Variants in BUB1 observed in about 807,000 individuals in gnomAD.
BUB1 encodes the protein mitotic checkpoint serine/threonine-protein kinase BUB1.
In BUB1, 84 loss-of-function variants were observed where a neutral mutation model predicts 135.2. That is an observed-to-expected ratio of 0.62 (90% CI 0.52 to 0.74). The LOEUF (loss-of-function observed/expected upper bound fraction) is 0.74. BUB1 is among the 30% of genes least tolerant of loss of function. The probability of loss-of-function intolerance (pLI) is 0.00; values close to 1 mark genes in which losing one functional copy is unlikely to be tolerated. For synonymous variants in BUB1, 403 were observed against 434.4 expected (o/e 0.93, Z 0.90); for missense variants, 1,162 against 1,288.3 (o/e 0.90, Z 1.50).
chr2:110,641,052 G>A lies in BUB1; in HGVS notation c.2937C>T (p.Asn979=), dbSNP rs751720093. The A allele has an allele frequency of 6.3e-7, 1 of 1,590,582 alleles. No individual in the cohort carries two copies. Among genetic ancestry groups the A allele is most frequent in the Non-Finnish European group, 8.5e-7 (1 of 1,170,774 alleles). The change falls in exon 23 of 25, where the codon AAC becomes AAT. Residue 979 remains asparagine, a synonymous_variant. Coordinates refer to ENST00000302759, the MANE Select transcript of BUB1 (RefSeq NM_004336.5). ...SGFQCVEMLS[N]KPWNYQIDYF... ...TTTATACCTGGTAGTTCCATGGTTTGTTGCTGAGCATCTCAACACACTGAA... is the reference window on the plus strand; with the variant it reads ...TTTATACCTGGTAGTTCCATGGTTTATTGCTGAGCATCTCAACACACTGAA...
At chr2:110,653,332 A>T in intron 17 of BUB1, 104 bp downstream of exon 17, 1 of 1,132,558 alleles carries the variant, frequency 8.8e-7, no homozygotes, top group Non-Finnish European at 1.3e-6. Flanking sequence ...GGCTAAAATT[A>T]GGTATTCTAT....
chr2:110,658,383 A>G (rs2104537917), intron 13 of BUB1, 27 bp downstream of exon 13: 3 of 1,558,986 alleles, frequency 1.9e-6, no homozygotes, highest in Non-Finnish European at 1.8e-6. Flanking sequence ...AATGCTATGC[A>G]CTTAGTAGCT....
At position 110,637,830 on chromosome 2, in the gene BUB1, A is replaced by C. The variant is rs1007597594; in HGVS notation, c.*134T>G. 1.5e-6 allele frequency: 1 copy of C among 684,332 alleles called. No homozygotes were observed. Among genetic ancestry groups the C allele is most frequent in the East Asian group, 3.3e-5 (1 of 30,466 alleles). The allele number at this position is 684,332 out of a possible 1,614,324, so 42.4% of individuals were successfully genotyped here. On this transcript the variant is annotated 3_prime_UTR_variant, in exon 25 of 25. Coordinates refer to ENST00000302759, the MANE Select transcript of BUB1 (RefSeq NM_004336.5). The stretch of plus-strand genomic sequence containing the variant: ...TTTGTTGAAATATTTATAACAACTA[A>C]GTTACATGGAAATATTCCATGGGAT...
chr2:110,637,882 C>T lies in BUB1; in HGVS notation c.*82G>A. ...TATTTTTAACAAACATTTACATAAA[C>T]AATAAATGAAAAAAAAACAGGTTTA... On this transcript the variant is annotated 3_prime_UTR_variant, in exon 25 of 25. Coordinates refer to ENST00000302759, the MANE Select transcript of BUB1 (RefSeq NM_004336.5). 2 of 972,090 alleles carry T rather than the reference C, an allele frequency of 2.1e-6. No homozygotes were observed. The highest frequency in any genetic ancestry group is 2.8e-6 in the Non-Finnish European group (2 of 704,530). The allele number at this position is 972,090 out of a possible 1,614,324, so 60.2% of individuals were successfully genotyped here. A position where few individuals can be genotyped will look rare whatever the true frequency, so the allele number is the denominator to read the frequency against.
Position 110,653,365 on chromosome 2 carries a change from G to C in BUB1, c.1964+71C>G, listed in dbSNP as rs79904991. On this transcript the variant is annotated intron_variant, in intron 17 of 24. Transcript: ENST00000302759. ...TATTACAGCCTAAAAGGCAAAGCTAGAATGAAAATGGTAAACAATGTTAGA... is the reference window on the plus strand; with the variant it reads ...TATTACAGCCTAAAAGGCAAAGCTACAATGAAAATGGTAAACAATGTTAGA... 8.4e-4 allele frequency: 1,253 copies of C among 1,499,626 alleles called. 15 individuals carry two copies. The African/African-American group carries it at 0.016, about 19-fold the overall frequency. 92.9% of individuals were successfully genotyped at this position (1,499,626 alleles called of 1,614,324 possible).
chr2:110,640,463 C>T (rs1181307034), intron 23 of BUB1, among the ~76,000 whole-genome samples: 2 of 152,148 alleles, frequency 1.3e-5, no homozygotes, highest in Non-Finnish European at 2.9e-5. Flanking sequence ...TCCCAATTAG[C>T]ATTCTCCTCC....
intron 4 of BUB1, among the ~76,000 whole-genome samples, chr2:110,670,836 C>T (rs887204069): frequency 6.6e-6 from 1 of 152,172 alleles, no homozygotes; most frequent in South Asian, 2.1e-4. Flanking sequence ...TAAAAATGCA[C>T]CCTCTTCTCC....
intron 9 of BUB1, among the ~76,000 whole-genome samples, chr2:110,662,167 C>T (rs1354203316): frequency 3.9e-5 from 6 of 151,994 alleles, no homozygotes; most frequent in Non-Finnish European, 8.8e-5. Flanking sequence ...GGGAAAAGGT[C>T]GACAAATCAG....
At chr2:110,667,975 T>C (rs1348738498) in intron 6 of BUB1, 126 bp from the exon 7 acceptor site, 8 of 769,166 alleles carry the variant, frequency 1.0e-5, no homozygotes, top group Non-Finnish European at 1.7e-5. Context: ...TAGATTTATG[T>C]AATTTTAAAT....
Position 110,658,766 on chromosome 2 carries a change from T to C in BUB1, c.1277-24A>G, listed in dbSNP as rs753246191. 1.4e-5 allele frequency: 23 copies of C among 1,613,252 alleles called. No individual in the cohort carries two copies. In the South Asian group the frequency reaches 2.5e-4, roughly 18 times the overall value. On this transcript the variant is annotated intron_variant, in intron 11 of 24. Coordinates refer to ENST00000302759, the MANE Select transcript of BUB1 (RefSeq NM_004336.5). The stretch of plus-strand genomic sequence containing the variant: ...CCCTAGCAAAGAAATGGAGACAAAA[T>C]GTGGTATCAGTAGGGAAATCAGAAT...
intron 1 of BUB1, among the ~76,000 whole-genome samples, 185 bp downstream of exon 1, chr2:110,677,785 C>T (rs112704924): frequency 1.3e-5 from 2 of 152,232 alleles, no homozygotes; most frequent in African/African-American, 4.8e-5. Context: ...CGGGCCTCAG[C>T]GGAACCCAAG....
intron 17 of BUB1, among the ~76,000 whole-genome samples, chr2:110,651,350 T>C (rs1324196907): frequency 6.6e-6 from 1 of 152,080 alleles, no homozygotes; most frequent in Non-Finnish European, 1.5e-5. Context: ...CTAATGTGTA[T>C]GTTTGTGTGG....
intron 18 of BUB1, among the ~76,000 whole-genome samples, chr2:110,649,759 A>C (rs1229199147): frequency 6.6e-6 from 1 of 152,152 alleles, no homozygotes; most frequent in Non-Finnish European, 1.5e-5. Context: ...ATATTATTTA[A>C]TTTCTTTTCC....
At chr2:110,653,389 G>A (rs191578833) in intron 17 of BUB1, 47 bp downstream of exon 17, 1 of 1,551,770 alleles carries the variant, frequency 6.4e-7, no homozygotes, top group East Asian at 2.2e-5. Context: ...AACAATGTTA[G>A]AATGAAAATG....
At chr2:110,650,270 G>C (rs375655113) in intron 18 of BUB1, among the ~76,000 whole-genome samples, 1 of 151,906 alleles carries the variant, frequency 6.6e-6, no homozygotes, top group Non-Finnish European at 1.5e-5. Context: ...AAATATAATA[G>C]TATTAGATTA....
At position 110,661,593 on chromosome 2, in the gene BUB1, G is replaced by GC; in HGVS notation, c.1205dup (p.Ser402ArgfsTer9). 6.2e-7 allele frequency: 1 copy of GC among 1,614,022 alleles called. No individual in the cohort carries two copies. The highest frequency in any genetic ancestry group is 1.3e-5 in the African/African-American group (1 of 75,046). On this transcript the variant is annotated frameshift_variant, in exon 10 of 25. Coordinates refer to ENST00000302759, the MANE Select transcript of BUB1 (RefSeq NM_004336.5). LOFTEE classifies it high-confidence loss of function. ...TACCTTCAGCTTACCCAGCATCTTTGCTGGCCACTGCAAACATGGAGTCTG... is the reference window on the plus strand; with the variant it reads ...TACCTTCAGCTTACCCAGCATCTTTGCCTGGCCACTGCAAACATGGAGTCTG...
intron 15 of BUB1, among the ~76,000 whole-genome samples, chr2:110,656,733 A>C (rs1202298419): frequency 1.3e-5 from 2 of 152,172 alleles, no homozygotes; most frequent in African/African-American, 4.8e-5. Flanking sequence ...ATCTAGCCAC[A>C]CTCAAAAGGA....
chr2:110,657,425 G>T, intron 14 of BUB1, 121 bp downstream of exon 14: 2 of 690,600 alleles, frequency 2.9e-6, no homozygotes, highest in Non-Finnish European at 4.6e-6. Context: ...CCCTGGTTGT[G>T]TGGTCAAAAG....
intron 6 of BUB1, among the ~76,000 whole-genome samples, chr2:110,668,109 T>C (rs1211798873): frequency 1.3e-5 from 2 of 152,224 alleles, no homozygotes; most frequent in East Asian, 1.9e-4. Context: ...TACTCAGCAG[T>C]AGAGAAGAAC....
Sources: allele counts gnomAD v4.1 joint callset (sites outside exome capture counted in the v4.1 genomes callset), GRCh38; gene constraint gnomAD v4.1.1; transcripts MANE v1.5; gene names NCBI Gene and HGNC (gene_info 2026-07-23, HGNC 2026-07-21).